The following MAD1L1 variants were observed in gnomAD, a reference collection of about 807,000 sequenced individuals.
MAD1L1 encodes mitotic spindle assembly checkpoint protein MAD1.
Under a neutral mutation model 96.9 loss-of-function variants are expected in MAD1L1, and 95 were observed. That is an observed-to-expected ratio of 0.98 (90% CI 0.83 to 1.16). MAD1L1 has a LOEUF of 1.16. Among genes scored for constraint, MAD1L1 ranks in the 50% most tolerant of loss-of-function variants. The pLI, the probability that MAD1L1 is intolerant of heterozygous loss-of-function variation, is 0.00. For synonymous variants in MAD1L1, 473 were observed against 396.6 expected (o/e 1.19, Z -2.29); for missense variants, 1,007 against 954.4 (o/e 1.06, Z -0.73).
rs544173061 is a variant in MAD1L1 at position 1,873,446 on chromosome 7, G to A, written c.1998+24754C>T. On this transcript the variant is annotated intron_variant, in intron 18 of 18. Coordinates refer to ENST00000265854, the MANE Select transcript of MAD1L1 (RefSeq NM_001013836.2). ...CTGAGTCCTGGAGGATGCGAGGGGC[G>A]GTGGGGAGGGGCAGGTGGGGAGCCC... 3.5e-3 allele frequency among the ~76,000 whole-genome samples: 532 copies of A among 152,172 alleles called. 4 individuals are homozygous for A. Among genetic ancestry groups the A allele is most frequent in the African/African-American group, 0.013 (523 of 41,508 alleles).
At chr7:1,880,854 C>A (rs375398966) in intron 18 of MAD1L1, among the ~76,000 whole-genome samples, 12 of 152,342 alleles carry the variant, frequency 7.9e-5, no homozygotes, top group African/African-American at 2.9e-4. Flanking sequence ...CTGGGAACAG[C>A]CCCATCTTCC....
intron 12 of MAD1L1, among the ~76,000 whole-genome samples, chr7:2,060,646 C>A (rs17132111): frequency 0.13 from 19,908 of 152,234 alleles, 1,877 homozygotes; most frequent in African/African-American, 0.26. Context: ...ATGGAACACA[C>A]CAGAAAGCCC....
intron 14 of MAD1L1, among the ~76,000 whole-genome samples, chr7:1,995,404 C>T (rs539301512): frequency 6.6e-6 from 1 of 152,342 alleles, no homozygotes; most frequent in South Asian, 2.1e-4. Context: ...CTTTGTGAGA[C>T]TCCAGGGAGG....
At chr7:1,860,667 G>A (rs530752146) in intron 18 of MAD1L1, among the ~76,000 whole-genome samples, 12 of 152,320 alleles carry the variant, frequency 7.9e-5, no homozygotes, top group Non-Finnish European at 1.2e-4. Flanking sequence ...GGCTACTGGC[G>A]ACTGCACCCA....
chr7:1,820,018 C>G (rs981902400), intron 18 of MAD1L1, among the ~76,000 whole-genome samples: 7 of 152,058 alleles, frequency 4.6e-5, no homozygotes, highest in Non-Finnish European at 2.9e-5. Context: ...GAAATGGAAA[C>G]GATGCTACTT....
At chr7:1,875,366 C>T (rs1264649213) in intron 18 of MAD1L1, among the ~76,000 whole-genome samples, 2 of 152,210 alleles carry the variant, frequency 1.3e-5, no homozygotes, top group Admixed American at 6.5e-5. Context: ...AACTGGCTGA[C>T]AGTCGCCCTC....
intron 12 of MAD1L1, among the ~76,000 whole-genome samples, chr7:2,046,615 A>G (rs920082125): frequency 6.6e-6 from 1 of 152,164 alleles, no homozygotes; most frequent in Non-Finnish European, 1.5e-5. Flanking sequence ...AACCCCTTCC[A>G]GATCAGAAGC....
At chr7:1,983,174 A>C (rs1468786803) in intron 14 of MAD1L1, among the ~76,000 whole-genome samples, 1 of 148,856 alleles carries the variant, frequency 6.7e-6, no homozygotes, top group Admixed American at 6.7e-5. Flanking sequence ...ACACACACAC[A>C]CACACACACA....
chr7:2,203,174 G>A lies in MAD1L1; in HGVS notation c.986+10038C>T, dbSNP rs79168660. Among the ~76,000 whole-genome samples the A allele has an allele frequency of 3.4e-3, 515 of 152,344 alleles. 2 individuals are homozygous for A. The highest frequency in any genetic ancestry group is 8.7e-3 in the South Asian group (42 of 4,828). ...GGACAGGCAAGGAGCCAAAAACAGC[G>A]GCATCTTGGCCACGAGCAAATGATT... On this transcript the variant is annotated intron_variant, in intron 10 of 18. Transcript: ENST00000265854.
chr7:2,002,142 C>A, intron 13 of MAD1L1, 21 bp from the exon 14 acceptor site: 1 of 1,611,608 alleles, frequency 6.2e-7, no homozygotes, highest in Middle Eastern at 1.7e-4. Flanking sequence ...AGACAGGATT[C>A]GGCCTGAGAC....
chr7:2,032,363 T>C (rs1476902752), intron 12 of MAD1L1, among the ~76,000 whole-genome samples: 3 of 152,194 alleles, frequency 2.0e-5, no homozygotes, highest in African/African-American at 7.2e-5. Flanking sequence ...CCTGGGCTCT[T>C]GGCCATCATG....
At chr7:1,854,248 TTGGGTACTGAGCCCGCTGGGGC>T in intron 18 of MAD1L1, 1 of 365,156 alleles carries the variant, frequency 2.7e-6, no homozygotes, top group Non-Finnish European at 5.4e-6. Flanking sequence ...TGCCTCGGTG[TTGGGTACTGAGCCCGCTGGGGC>T]TGGGAGTGGC....
At chr7:2,205,100 T>TTTTTTTTC (rs1792529336) in intron 10 of MAD1L1, among the ~76,000 whole-genome samples, 1 of 145,594 alleles carries the variant, frequency 6.9e-6, no homozygotes, top group African/African-American at 2.6e-5. Context: ...TTTTTTTTTT[T>TTTTTTTTC]TTTTTTTGCT....
intron 15 of MAD1L1, among the ~76,000 whole-genome samples, chr7:1,971,280 C>T (rs1055477606): frequency 6.6e-6 from 1 of 152,194 alleles, no homozygotes; most frequent in Admixed American, 6.5e-5. Flanking sequence ...GAAACACAAG[C>T]GATGGGATTT....
chr7:1,900,124 C>T (rs970691200), intron 17 of MAD1L1, among the ~76,000 whole-genome samples: 14 of 152,180 alleles, frequency 9.2e-5, no homozygotes, highest in African/African-American at 2.4e-4. Flanking sequence ...TCGAGCAGCC[C>T]GTTCCGAGTG....
intron 10 of MAD1L1, among the ~76,000 whole-genome samples, chr7:2,191,478 C>T (rs1791713901): frequency 6.6e-6 from 1 of 152,202 alleles, no homozygotes; most frequent in South Asian, 2.1e-4. Flanking sequence ...CACCTGTAAT[C>T]CCACCATTTT....
chr7:1,947,458 G>A (rs753920081), intron 16 of MAD1L1, among the ~76,000 whole-genome samples: 5 of 152,242 alleles, frequency 3.3e-5, no homozygotes, highest in Non-Finnish European at 7.3e-5. Context: ...TACCTCTCCT[G>A]GCTGAAGGAA....
intron 11 of MAD1L1, among the ~76,000 whole-genome samples, chr7:2,076,978 G>T (rs1382645318): frequency 7.0e-6 from 1 of 142,640 alleles, no homozygotes; most frequent in African/African-American, 2.9e-5. Context: ...CCCGCAGCAT[G>T]GTGAGCCCGA....
At chr7:1,818,658 A>T (rs1781957204) in intron 18 of MAD1L1, among the ~76,000 whole-genome samples, 1 of 151,992 alleles carries the variant, frequency 6.6e-6, no homozygotes, top group Admixed American at 6.6e-5. Context: ...CTCCTGCCTC[A>T]GCTGCCCACG....
Sources: allele counts gnomAD v4.1 joint callset (sites outside exome capture counted in the v4.1 genomes callset), GRCh38; gene constraint gnomAD v4.1.1; transcripts MANE v1.5; gene names NCBI Gene and HGNC (gene_info 2026-07-23, HGNC 2026-07-21).